LCORL: variants seen among roughly 807,000 people sequenced by gnomAD.
LCORL encodes ligand dependent nuclear receptor corepressor like, also known as ligand-dependent nuclear receptor corepressor-like protein.
A neutral mutation model predicts 141.8 loss-of-function variants in LCORL; 41 were observed. The observed-to-expected ratio is 0.29, with a 90% CI of 0.23 to 0.38. The LOEUF is 0.38. Among genes scored for constraint, LCORL ranks in the 10% least tolerant of loss-of-function variants. The pLI, the probability that LCORL is intolerant of heterozygous loss-of-function variation, is 1.00. For missense variants in LCORL, 1,759 were observed against 2,035.0 expected, an observed-to-expected ratio of 0.86 and a Z score of 2.61; for synonymous variants, 618 against 694.1, an observed-to-expected ratio of 0.89 and a Z score of 1.72.
intron 4 of LCORL, among the ~76,000 whole-genome samples, chr4:17,943,752 T>A (rs571139228): frequency 6.6e-6 from 1 of 152,186 alleles, no homozygotes; most frequent in African/African-American, 2.4e-5. Context: ...CACAGGAATA[T>A]AAAGAATACA....
chr4:17,949,139 C>G (rs1181447813), intron 4 of LCORL, among the ~76,000 whole-genome samples: 1 of 152,024 alleles, frequency 6.6e-6, no homozygotes, highest in Non-Finnish European at 1.5e-5. Context: ...CCTGACAACT[C>G]TAGAATCTTA....
intron 4 of LCORL, among the ~76,000 whole-genome samples, chr4:17,948,939 T>G (rs977285443): frequency 1.3e-5 from 2 of 151,940 alleles, no homozygotes; most frequent in Non-Finnish European, 1.5e-5. Flanking sequence ...TCAAATACTG[T>G]AGGGTCTAAG....
intron 1 of LCORL, among the ~76,000 whole-genome samples, chr4:17,975,753 T>C (rs1478584076): frequency 1.3e-5 from 2 of 152,186 alleles, no homozygotes; most frequent in African/African-American, 4.8e-5. Flanking sequence ...TTACAGTCAT[T>C]GTAAATTTCC....
intron 4 of LCORL, among the ~76,000 whole-genome samples, chr4:17,943,959 C>T (rs1223823586): frequency 6.6e-6 from 1 of 152,184 alleles, no homozygotes; most frequent in Non-Finnish European, 1.5e-5. Flanking sequence ...CCTACCATAG[C>T]TTAATGAAGC....
intron 6 of LCORL, chr4:17,881,498 AAAAT>A (rs1727570773): frequency 1.2e-6 from 1 of 865,072 alleles, no homozygotes; most frequent in South Asian, 5.3e-5. Flanking sequence ...TTTCTGACCA[AAAAT>A]AAATAATACA....
In LCORL at chr4:17,974,748, T is replaced by C. The variant is rs116197571; in HGVS notation, c.155-1863A>G. 4.2e-3 allele frequency among the ~76,000 whole-genome samples: 645 copies of C among 152,278 alleles called. 3 individuals carry two copies. Among genetic ancestry groups the C allele is most frequent in the African/African-American group, 0.015 (614 of 41,572 alleles). On this transcript the variant is annotated intron_variant, in intron 1 of 7. Transcript: ENST00000635767. ...GTCAGACTTGGAGCTCTCTTTGTGGTAAAATTTTAATCATAAGCCCAGTTT... is the reference window on the plus strand; with the variant it reads ...GTCAGACTTGGAGCTCTCTTTGTGGCAAAATTTTAATCATAAGCCCAGTTT...
At chr4:18,009,985 A>G (rs1165856538) in intron 1 of LCORL, among the ~76,000 whole-genome samples, 1 of 152,174 alleles carries the variant, frequency 6.6e-6, no homozygotes, top group Non-Finnish European at 1.5e-5. Flanking sequence ...TGAGCTGTTC[A>G]GAAAGGGAGG....
intron 4 of LCORL, among the ~76,000 whole-genome samples, chr4:17,956,295 C>A (rs559074718): frequency 1.3e-5 from 2 of 152,152 alleles, no homozygotes; most frequent in Admixed American, 6.5e-5. Context: ...AATCTAGCAA[C>A]CCCACTACTG....
intron 1 of LCORL, among the ~76,000 whole-genome samples, chr4:18,004,846 C>G (rs937900524): frequency 1.3e-5 from 2 of 152,086 alleles, no homozygotes; most frequent in African/African-American, 4.8e-5. Context: ...GTAAATAGAG[C>G]CATCCCAAAT....
At chr4:17,974,681 C>A (rs1225151623) in intron 1 of LCORL, among the ~76,000 whole-genome samples, 2 of 152,018 alleles carry the variant, frequency 1.3e-5, no homozygotes, top group Non-Finnish European at 2.9e-5. Context: ...CCAAACTTCA[C>A]CATTTTTTGA....
intron 1 of LCORL, among the ~76,000 whole-genome samples, chr4:17,982,406 G>T (rs1718177128): frequency 6.6e-6 from 1 of 152,126 alleles, no homozygotes. Context: ...CCAACAGTGT[G>T]TAAGTGTTCC....
intron 7 of LCORL, among the ~76,000 whole-genome samples, chr4:17,849,946 G>C (rs1249572527): frequency 6.6e-6 from 1 of 151,512 alleles, no homozygotes; most frequent in Non-Finnish European, 1.5e-5. Context: ...TAGATCAATG[G>C]AACAGAACAG....
At chr4:17,973,897 T>A (rs1430754624) in intron 1 of LCORL, among the ~76,000 whole-genome samples, 2 of 152,030 alleles carry the variant, frequency 1.3e-5, no homozygotes, top group Non-Finnish European at 2.9e-5. Context: ...TACTGATGCA[T>A]CCTACAACTA....
rs141707867 is a variant in LCORL at position 17,843,357 on chromosome 4, G to A, written c.*2531C>T. ...AATGAAGATGAGACTACCAAGACGA[G>A]CCAAAACCGCAGCACTAGAAAAAAG... On this transcript the variant is annotated 3_prime_UTR_variant, in exon 8 of 8. Transcript: ENST00000635767. 2,844 of 1,612,146 alleles carry A rather than the reference G, an allele frequency of 1.8e-3. 8 individuals are homozygous for A. Among genetic ancestry groups the A allele is most frequent in the Non-Finnish European group, 2.2e-3 (2,621 of 1,178,448 alleles).
At chr4:17,915,571 T>G (rs1191721126) in intron 4 of LCORL, among the ~76,000 whole-genome samples, 1 of 152,172 alleles carries the variant, frequency 6.6e-6, no homozygotes, top group Non-Finnish European at 1.5e-5. Flanking sequence ...TTAATGAAAG[T>G]CTGAAGTAAC....
At chr4:17,933,836 A>G (rs1019361486) in intron 4 of LCORL, among the ~76,000 whole-genome samples, 2 of 152,132 alleles carry the variant, frequency 1.3e-5, no homozygotes, top group African/African-American at 4.8e-5. Flanking sequence ...TTATTTAATT[A>G]GTGGTGCATT....
At chr4:17,883,783 A>G (rs1727918716) in intron 6 of LCORL, 10 of 1,550,218 alleles carry the variant, frequency 6.5e-6, no homozygotes, top group Non-Finnish European at 8.7e-6. Context: ...TATATAACCC[A>G]GTGTCTGGTA....
intron 2 of LCORL, among the ~76,000 whole-genome samples, chr4:17,965,413 C>A (rs1480435888): frequency 6.6e-6 from 1 of 152,102 alleles, no homozygotes; most frequent in Non-Finnish European, 1.5e-5. Flanking sequence ...TCATTTTAAT[C>A]TCTCAAACAA....
At chr4:17,868,765 C>A (rs991298547) in intron 7 of LCORL, among the ~76,000 whole-genome samples, 1 of 152,102 alleles carries the variant, frequency 6.6e-6, no homozygotes, top group South Asian at 2.1e-4. Flanking sequence ...ATTCTTGGCT[C>A]GATCTCTTTG....
Sources: gnomAD v4.1 joint callset for allele counts (sites outside exome capture counted in the v4.1 genomes callset) on GRCh38, gnomAD v4.1.1 for gene constraint, MANE v1.5 for transcripts, NCBI Gene and HGNC (gene_info 2026-07-23, HGNC 2026-07-21) for gene names.